Variants in LMNB1 observed in about 807,000 individuals in gnomAD.
The protein encoded by LMNB1 is lamin-B1.
A neutral mutation model predicts 67.1 loss-of-function variants in LMNB1; 23 were observed. That is an observed-to-expected ratio of 0.34 (90% CI 0.25 to 0.49). The LOEUF (loss-of-function observed/expected upper bound fraction) is 0.49. Ranked by LOEUF, LMNB1 falls within the 20% of genes least tolerant of loss-of-function variation. LMNB1 has a pLI of 0.99. For missense variants in LMNB1, 634 were observed against 746.5 expected (o/e 0.85, Z 1.76); for synonymous variants, 281 against 282.9 (o/e 0.99, Z 0.07).
At position 126,777,427 on chromosome 5, in the gene LMNB1, G is replaced by C; in HGVS notation, c.-82G>C. On this transcript the variant is annotated 5_prime_UTR_variant, in exon 1 of 11. Transcript: ENST00000261366. ...CGCAGGTCGCCGGTTTGTGCCTTCGGTCCCCGCTTCGCCCCCTGCCGTCCC... is the reference window on the plus strand; with the variant it reads ...CGCAGGTCGCCGGTTTGTGCCTTCGCTCCCCGCTTCGCCCCCTGCCGTCCC... 1 of 1,251,668 alleles carries C rather than the reference G, an allele frequency of 8.0e-7. No individual in the cohort carries two copies. The highest frequency in any genetic ancestry group is 1.0e-6 in the Non-Finnish European group (1 of 1,000,226). The allele number at this position is 1,251,668 out of a possible 1,614,324, so 77.5% of individuals were successfully genotyped here.
chr5:126,804,661 G>A (rs914979764), intron 1 of LMNB1, 115 bp from the exon 2 acceptor site: 16 of 876,810 alleles, frequency 1.8e-5, no homozygotes, highest in Non-Finnish European at 2.7e-5. Context: ...AATTTTGATA[G>A]GTGATGGGAG....
intron 7 of LMNB1, 75 bp downstream of exon 7, chr5:126,821,210 T>G: frequency 1.1e-6 from 1 of 943,716 alleles, no homozygotes; most frequent in Non-Finnish European, 1.7e-6. Flanking sequence ...TCATAGCTCC[T>G]TAGTTTTTGT....
intron 1 of LMNB1, among the ~76,000 whole-genome samples, chr5:126,780,219 C>G (rs940878528): frequency 2.0e-5 from 3 of 152,070 alleles, no homozygotes; most frequent in Admixed American, 1.3e-4. Flanking sequence ...GATCAAATAT[C>G]TGTTGCGTAC....
intron 1 of LMNB1, among the ~76,000 whole-genome samples, chr5:126,791,647 T>G (rs1456161962): frequency 6.6e-6 from 1 of 151,900 alleles, no homozygotes; most frequent in African/African-American, 2.4e-5. Flanking sequence ...ATTTCTTGAT[T>G]TTTTTCATAG....
intron 2 of LMNB1, 73 bp downstream of exon 2, chr5:126,805,005 T>A: frequency 2.5e-6 from 3 of 1,202,062 alleles, no homozygotes. Flanking sequence ...ATAGTTTGAT[T>A]GATTGATTGA....
chr5:126,803,339 G>A (rs1340327985), intron 1 of LMNB1, among the ~76,000 whole-genome samples: 14 of 151,858 alleles, frequency 9.2e-5, no homozygotes, highest in African/African-American at 2.9e-4. Flanking sequence ...TCTGCCTCCT[G>A]GGTTCAAGTG....
intron 1 of LMNB1, among the ~76,000 whole-genome samples, chr5:126,790,326 G>A (rs373040912): frequency 6.6e-6 from 1 of 151,750 alleles, no homozygotes; most frequent in Non-Finnish European, 1.5e-5. Flanking sequence ...GGCTGGTCTC[G>A]AACTCCTGAC....
chr5:126,811,823 T>A lies in LMNB1; in HGVS notation c.864T>A (p.Ser288Arg). The change falls in exon 5 of 11, where the codon AGT becomes AGA. Residue 288 changes from serine to arginine, a missense_variant. Transcript: ENST00000261366. Reference protein sequence around the residue: ...SSEMNTSTVNSAREELMESRM... With the variant: ...SSEMNTSTVNRAREELMESRM... Reference sequence around the variant, plus strand: ...AGATGAATACTTCTACTGTCAACAGTGCCAGGGAAGAACTGATGGAAAGCC... The same window carrying A: ...AGATGAATACTTCTACTGTCAACAGAGCCAGGGAAGAACTGATGGAAAGCC... 1.2e-6 allele frequency: 2 copies of A among 1,612,900 alleles called. No homozygotes were observed. The highest frequency in any genetic ancestry group is 1.7e-6 in the Non-Finnish European group (2 of 1,178,956).
chr5:126,804,686 AC>A, intron 1 of LMNB1, 89 bp from the exon 2 acceptor site: 1 of 1,196,852 alleles, frequency 8.4e-7, no homozygotes, highest in East Asian at 2.5e-5. Flanking sequence ...TATTTAAACT[AC>A]TTCTTTTGTT....
chr5:126,825,018 T>C (rs2126733189), intron 8 of LMNB1, among the ~76,000 whole-genome samples: 1 of 152,320 alleles, frequency 6.6e-6, no homozygotes, highest in African/African-American at 2.4e-5. Context: ...GGCTTTGCCA[T>C]CTTCAGCTTT....
Position 126,777,761 on chromosome 5 carries a change from G to A in LMNB1, c.253G>A (p.Glu85Lys). 6.6e-7 allele frequency: 1 copy of A among 1,522,318 alleles called. No individual in the cohort carries two copies. Among genetic ancestry groups the A allele is most frequent in the Non-Finnish European group, 8.8e-7 (1 of 1,132,102 alleles). The allele number at this position is 1,522,318 out of a possible 1,614,324, so 94.3% of individuals were successfully genotyped here. Reference protein sequence around the residue: ...LTGLKALYETELADARRALDD... With the variant: ...LTGLKALYETKLADARRALDD... ...CGGCCTCAAGGCGCTCTACGAGACC[G>A]AGCTGGCCGACGCGCGACGCGCGCT... is the stretch of plus-strand genomic sequence containing the variant. The change falls in exon 1 of 11, where the codon GAG becomes AAG. Residue 85 changes from glutamate to lysine, a missense_variant. By Grantham distance (56) the Glu-to-Lys change is moderately conservative. Transcript: ENST00000261366.
chr5:126,821,200 TC>T, intron 7 of LMNB1, 65 bp downstream of exon 7: 1 of 1,031,916 alleles, frequency 9.7e-7, no homozygotes, highest in Non-Finnish European at 1.5e-6. Context: ...CTTGCAATTG[TC>T]ATAGCTCCTT....
In LMNB1 at chr5:126,811,809, TCTA is replaced by T; in HGVS notation, c.853_855del (p.Thr285del). On this transcript the variant is annotated inframe_deletion, in exon 5 of 11. Transcript: ENST00000261366. ...CAGACTGTCATCAGAGATGAATACTTCTACTGTCAACAGTGCCAGGGAAGAACT... is the reference window on the plus strand; with the variant it reads ...CAGACTGTCATCAGAGATGAATACTTCTGTCAACAGTGCCAGGGAAGAACT... 6.2e-7 allele frequency: 1 copy of T among 1,612,060 alleles called. No individual in the cohort carries two copies. Among genetic ancestry groups the T allele is most frequent in the Non-Finnish European group, 8.5e-7 (1 of 1,178,260 alleles).
intron 9 of LMNB1, among the ~76,000 whole-genome samples, chr5:126,831,663 TGG>T (rs1752137996): frequency 6.6e-6 from 1 of 152,228 alleles, no homozygotes; most frequent in Non-Finnish European, 1.5e-5. Flanking sequence ...AGATCACAGT[TGG>T]CTTCCAGCTT....
chr5:126,787,546 A>ATATATATATATATATATATT, intron 1 of LMNB1, among the ~76,000 whole-genome samples: 1 of 65,570 alleles, frequency 1.5e-5, no homozygotes, highest in African/African-American at 6.6e-5. Flanking sequence ...ATATATATAT[A>ATATATATATATATATATATT]TTTTTTTTTT....
intron 1 of LMNB1, among the ~76,000 whole-genome samples, chr5:126,787,923 A>G (rs1256368362): frequency 1.3e-5 from 2 of 151,944 alleles, no homozygotes; most frequent in African/African-American, 4.8e-5. Flanking sequence ...AGTGGACCCA[A>G]GATTTTAAGG....
At chr5:126,828,518 T>C (rs150031876) in intron 9 of LMNB1, among the ~76,000 whole-genome samples, 116 of 152,276 alleles carry the variant, frequency 7.6e-4, no homozygotes, top group Admixed American at 3.0e-3. Flanking sequence ...TTAGCTCCAT[T>C]TCATAACTCA....
chr5:126,827,696 A>T (rs1752028224), intron 9 of LMNB1, among the ~76,000 whole-genome samples: 1 of 152,188 alleles, frequency 6.6e-6, no homozygotes, highest in Admixed American at 6.5e-5. Flanking sequence ...TTGTCAGGAG[A>T]GGGTCCAGAA....
rs147970176 is a variant in LMNB1, at chr5:126,797,824, G to A, written c.360-6952G>A. Among the ~76,000 whole-genome samples the A allele has an allele frequency of 4.0e-3, 608 of 152,144 alleles. 10 individuals are homozygous for A. The highest frequency in any genetic ancestry group is 0.014 in the African/African-American group (575 of 41,510). ...AGTGCAGTGGCTCATGCTGGTAATC[G>A]CAGCACTTCGGGAGGCTGAGGCGGA... On this transcript the variant is annotated intron_variant, in intron 1 of 10. Coordinates refer to ENST00000261366, the MANE Select transcript of LMNB1 (RefSeq NM_005573.4).
Sources: allele counts gnomAD v4.1 joint callset (sites outside exome capture counted in the v4.1 genomes callset), GRCh38; gene constraint gnomAD v4.1.1; transcripts MANE v1.5; gene names NCBI Gene and HGNC (gene_info 2026-07-23, HGNC 2026-07-21).